GRIP1: variants seen among roughly 807,000 people sequenced by gnomAD.
GRIP1 encodes glutamate receptor interacting protein 1, also known as glutamate receptor-interacting protein 1.
In GRIP1, 45 loss-of-function variants were observed where a neutral mutation model predicts 129.9. The ratio of observed to expected loss-of-function variants is 0.35; its 90% CI spans 0.27 to 0.44. GRIP1 has a LOEUF of 0.44. GRIP1 is among the 20% of genes least tolerant of loss of function. The pLI is 1.00. For missense variants in GRIP1, 1,196 were observed against 1,396.8 expected (o/e 0.86, Z 2.29); for synonymous variants, 530 against 520.8 (o/e 1.02, Z -0.24).
chr12:66,465,100 ATGAC>A (rs2059249697), intron 8 of GRIP1, among the ~76,000 whole-genome samples, 171 bp downstream of exon 8: 1 of 151,880 alleles, frequency 6.6e-6, no homozygotes. Context: ...ACCTGCCACC[ATGAC>A]TGGCTAATTT....
intron 11 of GRIP1, among the ~76,000 whole-genome samples, chr12:66,450,885 C>T (rs12581452): frequency 0.47 from 71,520 of 151,878 alleles, 17,272 homozygotes; most frequent in Middle Eastern, 0.63. Flanking sequence ...CTTGATTATC[C>T]TGCTTCATTA....
At chr12:66,703,079 C>T (rs1176204034) in intron 1 of GRIP1, among the ~76,000 whole-genome samples, 1 of 152,080 alleles carries the variant, frequency 6.6e-6, no homozygotes, top group Non-Finnish European at 1.5e-5. Context: ...GCTTGAAGCA[C>T]AGAGAGGAGA....
At chr12:66,712,372 T>C (rs560716528) in intron 1 of GRIP1, among the ~76,000 whole-genome samples, 2 of 152,042 alleles carry the variant, frequency 1.3e-5, no homozygotes, top group East Asian at 3.9e-4. Context: ...AGGATGTATA[T>C]ATAGGAATGT....
intron 2 of GRIP1, among the ~76,000 whole-genome samples, chr12:66,594,608 G>GT (rs1388050903): frequency 2.0e-5 from 3 of 152,130 alleles, no homozygotes; most frequent in African/African-American, 4.8e-5. Flanking sequence ...CTGAATTCTG[G>GT]TGCTTACAGC....
At chr12:66,893,047 C>A (rs528963018) in intron 1 of GRIP1, among the ~76,000 whole-genome samples, 2 of 152,208 alleles carry the variant, frequency 1.3e-5, no homozygotes, top group South Asian at 4.1e-4. Flanking sequence ...ACATCCTATG[C>A]CACTCATTTA....
chr12:66,476,634 T>C (rs1277948788), intron 7 of GRIP1, among the ~76,000 whole-genome samples: 3 of 152,134 alleles, frequency 2.0e-5, no homozygotes, highest in Non-Finnish European at 2.9e-5. Flanking sequence ...CTCAATAAAA[T>C]ACTGGCAAAC....
Position 66,679,011 on chromosome 12 carries a change from G to C in GRIP1, c.-107C>G. On this transcript the variant is annotated 5_prime_UTR_variant, in exon 1 of 25. Transcript: ENST00000359742. ...TTGCGCACATACCAGGAGAAAGGTA[G>C]TCCCAGTGGGGAGTGACAAAGCTTA... 1 of 1,585,412 alleles carries C rather than the reference G, an allele frequency of 6.3e-7. No homozygotes were observed. The highest frequency in any genetic ancestry group is 1.1e-5 in the South Asian group (1 of 88,014).
At chr12:66,592,425 G>C (rs1001024581) in intron 2 of GRIP1, among the ~76,000 whole-genome samples, 1 of 152,146 alleles carries the variant, frequency 6.6e-6, no homozygotes, top group Admixed American at 6.5e-5. Context: ...TTACAGTCTA[G>C]GAGGGGAAAA....
chr12:66,542,032 CTTTTTCTTTTATGAG>C, intron 2 of GRIP1, 82 bp from the exon 3 acceptor site: 1 of 1,296,908 alleles, frequency 7.7e-7, no homozygotes, highest in East Asian at 2.3e-5. Flanking sequence ...GTTCTTTCCA[CTTTTTCTTTTATGAG>C]AAAAGATATT....
chr12:66,759,172 G>A (rs553250261), intron 1 of GRIP1, among the ~76,000 whole-genome samples: 5 of 152,328 alleles, frequency 3.3e-5, no homozygotes, highest in South Asian at 2.1e-4. Flanking sequence ...AAATCTAGGC[G>A]GAGGTTCCCA....
chr12:66,899,375 T>G (rs2040807328), intron 1 of GRIP1, among the ~76,000 whole-genome samples: 1 of 152,070 alleles, frequency 6.6e-6, no homozygotes, highest in Non-Finnish European at 1.5e-5. Context: ...AAAAAATTTT[T>G]TTTTTTGAGT....
chr12:66,805,814 G>A (rs904146862), upstream of GRIP1, among the ~76,000 whole-genome samples: 1 of 152,148 alleles, frequency 6.6e-6, no homozygotes, highest in African/African-American at 2.4e-5. Context: ...CAATGGTTCT[G>A]TGAAGTTCCT....
chr12:66,800,313 G>C (rs1456362657), intron 1 of GRIP1, among the ~76,000 whole-genome samples: 1 of 152,118 alleles, frequency 6.6e-6, no homozygotes, highest in Non-Finnish European at 1.5e-5. Flanking sequence ...GAGTCAGGAA[G>C]ACCAAGAACA....
chr12:66,917,976 G>A (rs200082352), intron 1 of GRIP1, among the ~76,000 whole-genome samples: 2 of 138,152 alleles, frequency 1.4e-5, no homozygotes, highest in East Asian at 4.8e-4. Context: ...ACACACACAC[G>A]GAGAGAGAGA....
At chr12:67,053,943 T>G (rs1467956343) in intron 1 of GRIP1, among the ~76,000 whole-genome samples, 2 of 152,186 alleles carry the variant, frequency 1.3e-5, no homozygotes, top group Non-Finnish European at 2.9e-5. Flanking sequence ...ATTTGAAAAT[T>G]TAGACATTAA....
At chr12:66,580,296 C>A (rs1466260742) in intron 2 of GRIP1, among the ~76,000 whole-genome samples, 1 of 151,142 alleles carries the variant, frequency 6.6e-6, no homozygotes, top group African/African-American at 2.4e-5. Context: ...CCAGCTGCTG[C>A]AAAATCATGC....
At chr12:66,876,187 A>C (rs1346582828) in intron 1 of GRIP1, among the ~76,000 whole-genome samples, 2 of 152,052 alleles carry the variant, frequency 1.3e-5, no homozygotes, top group African/African-American at 2.4e-5. Flanking sequence ...TTGAAGAAAA[A>C]AATTTATAGT....
chr12:67,046,422 TG>T (rs1461622690), intron 1 of GRIP1, among the ~76,000 whole-genome samples: 2 of 152,344 alleles, frequency 1.3e-5, no homozygotes, highest in African/African-American at 2.4e-5. Flanking sequence ...GTTCCCTAGC[TG>T]GGCTTTTTGC....
At chr12:66,630,447 T>A (rs2030640155) in intron 1 of GRIP1, 1 of 152,176 alleles carries the variant, frequency 6.6e-6, no homozygotes, top group Non-Finnish European at 1.5e-5. Context: ...GGGCTTAAGT[T>A]CTTATGGGGC....
Sources: gnomAD v4.1 joint callset for allele counts (sites outside exome capture counted in the v4.1 genomes callset) on GRCh38, gnomAD v4.1.1 for gene constraint, MANE v1.5 for transcripts, NCBI Gene and HGNC (gene_info 2026-07-23, HGNC 2026-07-21) for gene names.